Variants in BRD4 observed in about 807,000 individuals in gnomAD.
BRD4 encodes bromodomain-containing protein 4.
Under a neutral mutation model 142.1 loss-of-function variants are expected in BRD4, and 16 were observed. The observed-to-expected ratio is 0.11, with a 90% CI of 0.08 to 0.17. BRD4 has a LOEUF of 0.17. Ranked by LOEUF, BRD4 falls within the 10% of genes least tolerant of loss-of-function variation. BRD4 has a pLI of 1.00. For synonymous variants in BRD4, 833 were observed against 707.5 expected (o/e 1.18, Z -2.82); for missense variants, 1,424 against 1,810.9 (o/e 0.79, Z 3.88).
At chr19:15,255,615 C>A (rs202180691) in intron 9 of BRD4, 23 bp from the exon 10 acceptor site, 4 of 1,574,176 alleles carry the variant, frequency 2.5e-6, no homozygotes, top group South Asian at 2.3e-5. Context: ...GATGCAGACA[C>A]CATCAAGAAC....
chr19:15,270,242 C>T (rs149887400), intron 2 of BRD4, among the ~76,000 whole-genome samples: 5 of 152,306 alleles, frequency 3.3e-5, no homozygotes, highest in Non-Finnish European at 4.4e-5. Flanking sequence ...TAGTGGACAG[C>T]GTTGGAAAGG....
At chr19:15,300,677 T>C (rs540627869) in intron 1 of BRD4, among the ~76,000 whole-genome samples, 1 of 149,466 alleles carries the variant, frequency 6.7e-6, no homozygotes, top group Admixed American at 6.7e-5. Context: ...CCTGGGAAGA[T>C]GCTCCCCGTC....
intron 1 of BRD4, among the ~76,000 whole-genome samples, chr19:15,285,801 G>GA (rs2047735600): frequency 6.6e-6 from 1 of 152,116 alleles, no homozygotes; most frequent in Admixed American, 6.5e-5. Flanking sequence ...GAACTAAAGG[G>GA]AAAAAATACT....
intron 10 of BRD4, 108 bp downstream of exon 10, chr19:15,255,189 G>GAAA: frequency 1.0e-6 from 1 of 961,230 alleles, no homozygotes; most frequent in Non-Finnish European, 1.4e-6. Flanking sequence ...ATTATAATTG[G>GAAA]AAAAAAAAAA....
At chr19:15,255,647 C>G in intron 9 of BRD4, 55 bp from the exon 10 acceptor site, 1 of 1,538,128 alleles carries the variant, frequency 6.5e-7, no homozygotes, top group Non-Finnish European at 8.8e-7. Flanking sequence ...GGAAGCCAGG[C>G]ACTCATTCCT....
intron 1 of BRD4, among the ~76,000 whole-genome samples, chr19:15,281,142 T>TGGAGCCGGGCC (rs993193510): frequency 2.0e-4 from 30 of 152,356 alleles, no homozygotes; most frequent in African/African-American, 6.7e-4. Context: ...CTGCGCCGCC[T>TGGAGCCGGGCC]GGAGCCGGGC....
chr19:15,320,396 G>A (rs570340685), intron 1 of BRD4, among the ~76,000 whole-genome samples: 12 of 152,156 alleles, frequency 7.9e-5, no homozygotes, highest in African/African-American at 2.4e-4. Context: ...TGTACCTTTT[G>A]CAGGCACGGA....
chr19:15,272,472 G>C (rs2047599298), intron 2 of BRD4, among the ~76,000 whole-genome samples: 1 of 152,154 alleles, frequency 6.6e-6, no homozygotes, highest in Non-Finnish European at 1.5e-5. Flanking sequence ...GTCCACACCT[G>C]AGAAATGAAG....
Position 15,238,815 on chromosome 19 carries a change from C to A in BRD4, c.3948G>T (p.Gln1316His). The A allele has an allele frequency of 6.2e-7, 1 of 1,603,206 alleles. No individual in the cohort carries two copies. The highest frequency in any genetic ancestry group is 1.7e-5 in the Admixed American group (1 of 59,472). The change falls in exon 19 of 20, where the codon CAG becomes CAT. Residue 1316 changes from glutamine (Q) to histidine (H), a missense_variant. Gln to His is a conservative substitution (Grantham distance 24). Transcript: ENST00000679869. The surrounding 1 kb of genome is among the most constrained non-coding windows in gnomAD (Gnocchi z 7.2). The stretch of plus-strand genomic sequence containing the variant: ...TCTGCTGGTCCAGCATGGACTGGGG[C>A]TGGGAGCTCTGGGCCTGTGGGGTGG... ...AAATPQAQSS[Q>H]PQSMLDQQRE...
rs1369590349 is a variant in BRD4, at chr19:15,239,939, G to A, written c.3253C>T (p.Pro1085Ser). The A allele has an allele frequency of 1.2e-6, 2 of 1,614,136 alleles. No homozygotes were observed. Residue 1085 changes from proline (P) to serine (S), a missense_variant, in exon 15 of 20, where the codon CCC (proline) becomes TCC (serine). Physicochemically the swap from Pro to Ser is moderately conservative, Grantham distance 74. Around this residue, in one of 16 missense-constraint regions of BRD4, gnomAD observed 598 missense variants for 647.8 expected, o/e 0.92. Coordinates refer to ENST00000679869, the MANE Select transcript of BRD4 (RefSeq NM_001379291.1). This position sits in a 1 kb window ranked among gnomAD's most constrained non-coding sequence, Gnocchi z 7.4. The stretch of plus-strand genomic sequence containing the variant: ...TTCTTAGGCTGGACGTTTTGCTGGG[G>A]TGGAGACTGGTGGGTCAGGCTCTGG... ...QFQSLTHQSPPQQNVQPKKQE... is the reference protein window; with the variant it reads ...QFQSLTHQSPSQQNVQPKKQE...
chr19:15,324,400 T>C (rs1465465519), intron 1 of BRD4, among the ~76,000 whole-genome samples: 2 of 152,346 alleles, frequency 1.3e-5, no homozygotes, highest in African/African-American at 4.8e-5. Context: ...CGGATCCCAA[T>C]GACGCCTAGT....
chr19:15,301,291 G>A (rs966378696), intron 1 of BRD4, among the ~76,000 whole-genome samples: 1 of 152,194 alleles, frequency 6.6e-6, no homozygotes, highest in African/African-American at 2.4e-5. Flanking sequence ...AGCCGGACAC[G>A]GTGGCTCACG....
In BRD4 at chr19:15,254,179, A is replaced by T; in HGVS notation, c.2131T>A (p.Ser711Thr). 15 of 1,614,172 alleles carry T rather than the reference A, an allele frequency of 9.3e-6. No homozygotes were observed. The highest frequency in any genetic ancestry group is 1.3e-5 in the Non-Finnish European group (15 of 1,180,032). ...SESESSSESSSSDSEDSETEM... is the reference protein window; with the variant it reads ...SESESSSESSTSDSEDSETEM... ...GTTTCGGAGTCTTCGCTGTCAGAGG[A>T]GCTGGACTCACTGGAGCTCTCCGAC... The change falls in exon 11 of 20, where the codon TCC (serine) becomes ACC (threonine). Residue 711 changes from serine to threonine, a missense_variant. This residue lies in a region of BRD4 where 598 missense variants were observed against 647.8 expected (regional missense o/e 0.92). Coordinates refer to ENST00000679869, the MANE Select transcript of BRD4 (RefSeq NM_001379291.1).
chr19:15,275,425 A>T (rs892664884), intron 1 of BRD4, among the ~76,000 whole-genome samples: 2 of 152,196 alleles, frequency 1.3e-5, no homozygotes, highest in African/African-American at 4.8e-5. Flanking sequence ...GTCTAAGCAG[A>T]TAGAGTGGCC....
chr19:15,249,465 G>A (rs2047321356), intron 11 of BRD4, among the ~76,000 whole-genome samples: 1 of 152,168 alleles, frequency 6.6e-6, no homozygotes, highest in African/African-American at 2.4e-5. Context: ...ACCCTGGGTA[G>A]GGACAGACCC....
At chr19:15,288,659 C>T (rs2047758226) in intron 1 of BRD4, among the ~76,000 whole-genome samples, 1 of 152,250 alleles carries the variant, frequency 6.6e-6, no homozygotes, top group African/African-American at 2.4e-5. Context: ...TGGTGCTACA[C>T]AGGCTGGTGC....
intron 1 of BRD4, among the ~76,000 whole-genome samples, chr19:15,275,420 A>G (rs1264759157): frequency 6.6e-6 from 1 of 152,202 alleles, no homozygotes; most frequent in Non-Finnish European, 1.5e-5. Context: ...ACCAGGTCTA[A>G]GCAGATAGAG....
In BRD4 at chr19:15,316,155, C is replaced by CAAA. The variant is rs980486654; in HGVS notation, c.-35+16132_-35+16134dup. On this transcript the variant is annotated intron_variant, in intron 1 of 19. Coordinates refer to ENST00000679869, the MANE Select transcript of BRD4 (RefSeq NM_001379291.1). ...TGGGCGACAGAGCGAGACACCGTCT[C>CAAA]AAAAAAAAAAAAAAAAAAAAAAAAA... Among the ~76,000 whole-genome samples the CAAA allele has an allele frequency of 5.8e-3, 189 of 32,834 alleles. 5 individuals are homozygous for CAAA. Among genetic ancestry groups the CAAA allele is most frequent in the Middle Eastern group, 0.022 (1 of 46 alleles). 21.5% of individuals were successfully genotyped at this position (32,834 alleles called of 152,430 possible).
At chr19:15,291,137 A>T (rs555089475) in intron 1 of BRD4, among the ~76,000 whole-genome samples, 2 of 152,206 alleles carry the variant, frequency 1.3e-5, no homozygotes, top group East Asian at 3.9e-4. Context: ...CCTGCTCCTG[A>T]CTTGTTATGC....
Sources: gnomAD v4.1 joint callset for allele counts (sites outside exome capture counted in the v4.1 genomes callset) on GRCh38, gnomAD v4.1.1 for gene constraint, gnomAD v4.1.1 regional missense constraint, Gnocchi (gnomAD v3.1) non-coding constraint, MANE v1.5 for transcripts, NCBI Gene and HGNC (gene_info 2026-07-23, HGNC 2026-07-21) for gene names.